The following ATP6V0A2 variants were observed in gnomAD, a reference collection of about 807,000 sequenced individuals.
ATP6V0A2 encodes the protein ATPase H+ transporting V0 subunit a2, also known as V-type proton ATPase 116 kDa subunit a 2.
ATP6V0A2 carries 58 observed loss-of-function variants against 104.4 expected under a neutral mutation model. That is an observed-to-expected ratio of 0.56 (90% CI 0.45 to 0.69). The LOEUF (loss-of-function observed/expected upper bound fraction) is 0.69, where lower values mean the gene tolerates loss of function less well. ATP6V0A2 is among the 30% of genes least tolerant of loss of function. The pLI, the probability that ATP6V0A2 is intolerant of heterozygous loss-of-function variation, is 0.00. For synonymous variants in ATP6V0A2, 376 were observed against 397.9 expected, an observed-to-expected ratio of 0.95 and a Z score of 0.65; for missense variants, 938 against 1,062.9, an observed-to-expected ratio of 0.88 and a Z score of 1.63.
At chr12:123,714,548 A>T (rs1956321945) in intron 1 of ATP6V0A2, among the ~76,000 whole-genome samples, 1 of 152,172 alleles carries the variant, frequency 6.6e-6, no homozygotes, top group African/African-American at 2.4e-5. Flanking sequence ...CACTTTTGTT[A>T]CAGTTCTCAG....
At chr12:123,743,444 G>A (rs1321842676) in intron 9 of ATP6V0A2, among the ~76,000 whole-genome samples, 1 of 152,070 alleles carries the variant, frequency 6.6e-6, no homozygotes, top group East Asian at 1.9e-4. Flanking sequence ...ACCTGAGGTC[G>A]GGAGTTCGAG....
chr12:123,737,018 A>T, intron 8 of ATP6V0A2, 41 bp from the exon 9 acceptor site: 1 of 1,597,440 alleles, frequency 6.3e-7, no homozygotes, highest in South Asian at 1.1e-5. Context: ...AGAAACAAAA[A>T]CATGCCCACT....
chr12:123,755,405 G>A (rs1323112908), intron 18 of ATP6V0A2, among the ~76,000 whole-genome samples: 5 of 151,856 alleles, frequency 3.3e-5, no homozygotes, highest in South Asian at 2.1e-4. Flanking sequence ...TTGTGGTGGC[G>A]GGCGCCTGTA....
At chr12:123,727,695 G>A (rs2135890714) in intron 5 of ATP6V0A2, 88 bp from the exon 6 acceptor site, 1 of 1,532,600 alleles carries the variant, frequency 6.5e-7, no homozygotes, top group South Asian at 1.1e-5. Context: ...TCACCACTTG[G>A]TAGAAATGAA....
At chr12:123,740,875 A>T (rs1323282809) in intron 9 of ATP6V0A2, among the ~76,000 whole-genome samples, 1 of 149,432 alleles carries the variant, frequency 6.7e-6, no homozygotes, top group Admixed American at 6.7e-5. Context: ...TTTTTTTCCT[A>T]ATTCCTTCTT....
chr12:123,754,646 T>G, intron 18 of ATP6V0A2, 109 bp downstream of exon 18: 1 of 797,528 alleles, frequency 1.3e-6, no homozygotes, highest in Non-Finnish European at 2.2e-6. Context: ...GCACCATCTT[T>G]CAGCTGCCAC....
intron 8 of ATP6V0A2, 65 bp from the exon 9 acceptor site, chr12:123,736,994 G>T: frequency 6.7e-7 from 1 of 1,495,604 alleles, no homozygotes; most frequent in Non-Finnish European, 9.3e-7. Flanking sequence ...AGGGAAGTCG[G>T]GTGCCAGGTG....
chr12:123,725,820 A>G (rs1381022411), intron 4 of ATP6V0A2, among the ~76,000 whole-genome samples: 1 of 151,730 alleles, frequency 6.6e-6, no homozygotes, highest in East Asian at 1.9e-4. Flanking sequence ...AAAAAAAATT[A>G]TAAGAATAAA....
chr12:123,752,319 G>A lies in ATP6V0A2; in HGVS notation c.2092G>A (p.Glu698Lys), dbSNP rs1340124692. 6.2e-7 allele frequency: 1 copy of A among 1,614,094 alleles called. No individual in the cohort carries two copies. ...YTLIRKDSEEEVSLLGSQDIE... is the reference protein window; with the variant it reads ...YTLIRKDSEEKVSLLGSQDIE... Reference sequence around the variant, plus strand: ...ACTTATAAGGAAAGATAGTGAGGAAGAAGTTTCATTGCTGGGAAGCCAAGA... The same window carrying A: ...ACTTATAAGGAAAGATAGTGAGGAAAAAGTTTCATTGCTGGGAAGCCAAGA... Residue 698 changes from glutamate (E) to lysine (K), a missense_variant, in exon 17 of 20, where the codon GAA becomes AAA. Glu to Lys is a moderately conservative substitution (Grantham distance 56). Coordinates refer to ENST00000330342, the MANE Select transcript of ATP6V0A2 (RefSeq NM_012463.4).
Position 123,735,615 on chromosome 12 carries a change from T to A in ATP6V0A2, c.816T>A (p.Asp272Glu). ...IQEGLNTRIQ[D>E]LYTVLHKTED... ...AGGGGCTGAACACCCGCATCCAGGA[T>A]CTCTACACTGTGAGTAAGCTGGAAG... Residue 272 changes from aspartate to glutamate, a missense_variant, in exon 8 of 20, where the codon GAT (aspartate) becomes GAA (glutamate). By Grantham distance (45) the Asp-to-Glu change is conservative. Transcript: ENST00000330342. The A allele has an allele frequency of 6.2e-7, 1 of 1,612,674 alleles. No homozygotes were observed. Among genetic ancestry groups the A allele is most frequent in the African/African-American group, 1.3e-5 (1 of 74,698 alleles).
At chr12:123,729,400 T>C (rs1293134316) in intron 6 of ATP6V0A2, among the ~76,000 whole-genome samples, 1 of 147,528 alleles carries the variant, frequency 6.8e-6, no homozygotes, top group Non-Finnish European at 1.5e-5. Flanking sequence ...TACTGAGGGG[T>C]TGCTTTTCCT....
chr12:123,742,392 G>C (rs918698474), intron 9 of ATP6V0A2, among the ~76,000 whole-genome samples: 1 of 152,188 alleles, frequency 6.6e-6, no homozygotes, highest in African/African-American at 2.4e-5. Context: ...TTTGGGGACT[G>C]TGGGGACGTG....
chr12:123,744,018 A>G lies in ATP6V0A2; in HGVS notation c.1189+83A>G, dbSNP rs879043277. 6.3e-7 allele frequency: 1 copy of G among 1,583,756 alleles called. No homozygotes were observed. The highest frequency in any genetic ancestry group is 8.7e-7 in the Non-Finnish European group (1 of 1,152,786). ...CTAAGAATGGAATAGATATTTGGAAAGAGAGGCTGACCATTACTTTTTTGC... is the reference window on the plus strand; with the variant it reads ...CTAAGAATGGAATAGATATTTGGAAGGAGAGGCTGACCATTACTTTTTTGC... On this transcript the variant is annotated intron_variant, in intron 10 of 19. Transcript: ENST00000330342. The surrounding 1 kb of genome is among the most constrained non-coding windows in gnomAD (Gnocchi z 5.4).
At chr12:123,716,560 G>A (rs1430973297) in intron 1 of ATP6V0A2, among the ~76,000 whole-genome samples, 1 of 152,068 alleles carries the variant, frequency 6.6e-6, no homozygotes, top group Non-Finnish European at 1.5e-5. Flanking sequence ...GGAGGCTGAG[G>A]CAGCCACATC....
chr12:123,745,315 C>T (rs1956650710), intron 13 of ATP6V0A2, among the ~76,000 whole-genome samples: 1 of 152,190 alleles, frequency 6.6e-6, no homozygotes, highest in Non-Finnish European at 1.5e-5. Context: ...CTTTTAAAAA[C>T]CCTTGATCTC....
At chr12:123,733,736 A>T in intron 6 of ATP6V0A2, 190 bp from the exon 7 acceptor site, 1 of 596,220 alleles carries the variant, frequency 1.7e-6, no homozygotes, top group Non-Finnish European at 3.0e-6. Flanking sequence ...ACATGACTGG[A>T]AGCGCTCCGT....
chr12:123,749,944 GA>G (rs1439932303), intron 15 of ATP6V0A2: 1 of 152,194 alleles, frequency 6.6e-6, no homozygotes, highest in African/African-American at 2.4e-5. Context: ...CAACTTAACG[GA>G]ACTTTGGCCT....
At chr12:123,712,821 C>G in intron 1 of ATP6V0A2, 139 bp downstream of exon 1, 1 of 813,760 alleles carries the variant, frequency 1.2e-6, no homozygotes, top group South Asian at 1.5e-5. Flanking sequence ...AGATGACACC[C>G]CAGCTCAGCG....
intron 9 of ATP6V0A2, among the ~76,000 whole-genome samples, chr12:123,742,397 G>A (rs1395126082): frequency 1.3e-5 from 2 of 152,168 alleles, no homozygotes; most frequent in Non-Finnish European, 2.9e-5. Context: ...GGACTGTGGG[G>A]ACGTGGTTTG....
Sources: gnomAD v4.1 joint callset for allele counts (sites outside exome capture counted in the v4.1 genomes callset) on GRCh38, gnomAD v4.1.1 for gene constraint, Gnocchi (gnomAD v3.1) non-coding constraint, MANE v1.5 for transcripts, NCBI Gene and HGNC (gene_info 2026-07-23, HGNC 2026-07-21) for gene names.